Variants in PCDH11X observed in about 807,000 individuals in gnomAD.
PCDH11X encodes the protein protocadherin 11 X-linked, also known as protocadherin-11 X-linked.
A neutral mutation model predicts 53.3 loss-of-function variants in PCDH11X; 18 were observed. The observed-to-expected ratio is 0.34, with a 90% CI of 0.23 to 0.50. PCDH11X has a LOEUF of 0.50. Ranked by LOEUF, PCDH11X falls within the 20% of genes least tolerant of loss-of-function variation. PCDH11X has a pLI of 0.98. For synonymous variants in PCDH11X, 279 were observed against 393.3 expected, an observed-to-expected ratio of 0.71 and a Z score of 3.44; for missense variants, 570 against 1,032.4, an observed-to-expected ratio of 0.55 and a Z score of 6.14.
chrX:92,252,519 A>G (rs535167550), intron 7 of PCDH11X, among the ~76,000 whole-genome samples: 2 of 111,678 alleles, frequency 1.8e-5, no homozygotes, highest in African/African-American at 6.5e-5. Context: ...TTTGACCATG[A>G]CATTTAGAAA....
At chrX:92,037,902 T>G (rs868348295) in intron 6 of PCDH11X, among the ~76,000 whole-genome samples, 2,753 of 91,399 alleles carry the variant, frequency 0.03, 113 homozygotes, top group African/African-American at 0.12. Context: ...ATTTGTGGGT[T>G]TTTTTTTTTT....
chrX:92,522,552 C>T (rs1232441244), intron 10 of PCDH11X, among the ~76,000 whole-genome samples: 2 of 110,982 alleles, frequency 1.8e-5, no homozygotes, highest in African/African-American at 6.6e-5. Context: ...GTTAGAAAAA[C>T]GGCATGGATA....
chrX:91,852,433 G>A (rs1938085703), intron 5 of PCDH11X, among the ~76,000 whole-genome samples: 1 of 108,489 alleles, frequency 9.2e-6, no homozygotes, highest in African/African-American at 3.4e-5. Context: ...AATGATGTTT[G>A]CACAAATGAT....
At chrX:92,537,909 A>T (rs1333144998) in intron 10 of PCDH11X, among the ~76,000 whole-genome samples, 4 of 108,563 alleles carry the variant, frequency 3.7e-5, no homozygotes, top group Admixed American at 3.0e-4. Context: ...TGTCTTTAGG[A>T]TTTTCCAAAT....
chrX:91,929,148 A>G (rs112756957), intron 6 of PCDH11X, among the ~76,000 whole-genome samples: 1,892 of 111,339 alleles, frequency 0.017, 37 homozygotes, highest in African/African-American at 0.058. Flanking sequence ...ATAAATATCA[A>G]TCCTATTTAT....
At position 91,877,957 on chromosome X, in the gene PCDH11X, A is replaced by G; in HGVS notation, c.1717A>G (p.Asn573Asp). ...TGACAATAGCCCAGTTTTCACTCACAATGAATACAACTTCTATGTCCCAGA... is the reference window on the plus strand; with the variant it reads ...TGACAATAGCCCAGTTTTCACTCACGATGAATACAACTTCTATGTCCCAGA... ...QNDNSPVFTHNEYNFYVPENL... is the reference protein window; with the variant it reads ...QNDNSPVFTHDEYNFYVPENL... The change falls in exon 6 of 11, where the codon AAT becomes GAT. Residue 573 changes from asparagine to aspartate, a missense_variant. By Grantham distance (23) the Asn-to-Asp change is conservative (BLOSUM62 1). Coordinates refer to ENST00000682573, the MANE Select transcript of PCDH11X (RefSeq NM_032968.5). The G allele has an allele frequency of 8.3e-7, 1 of 1,211,924 alleles. No individual in the cohort carries two copies. Among genetic ancestry groups the G allele is most frequent in the Non-Finnish European group, 1.1e-6 (1 of 895,500 alleles).
chrX:92,299,509 G>T (rs1482157849), intron 8 of PCDH11X, among the ~76,000 whole-genome samples: 1 of 111,021 alleles, frequency 9.0e-6, no homozygotes, highest in African/African-American at 3.3e-5. Flanking sequence ...TTTGTTCAGG[G>T]ATCCAATTTC....
chrX:92,352,493 G>A (rs2070077968), intron 8 of PCDH11X, among the ~76,000 whole-genome samples: 1 of 111,495 alleles, frequency 9.0e-6, no homozygotes, highest in Non-Finnish European at 1.9e-5. Flanking sequence ...AGGTAAATCA[G>A]GGATTTCTTC....
chrX:92,181,043 A>G (rs763252957), intron 6 of PCDH11X, among the ~76,000 whole-genome samples: 82 of 111,416 alleles, frequency 7.4e-4, no homozygotes, highest in African/African-American at 2.5e-3. Flanking sequence ...AGGGCTCAGA[A>G]GAAGACAAGA....
At chrX:91,922,050 G>C (rs1477157528) in intron 6 of PCDH11X, among the ~76,000 whole-genome samples, 4 of 110,980 alleles carry the variant, frequency 3.6e-5, no homozygotes, top group African/African-American at 1.3e-4. Flanking sequence ...GTTTTTAAAA[G>C]AGTGTTTGTT....
intron 4 of PCDH11X, among the ~76,000 whole-genome samples, chrX:91,817,990 T>C (rs1229700841): frequency 1.8e-5 from 2 of 111,860 alleles, no homozygotes; most frequent in Non-Finnish European, 3.8e-5. Flanking sequence ...TGTTGTAGCT[T>C]CTTCTATGAT....
intron 6 of PCDH11X, among the ~76,000 whole-genome samples, chrX:92,136,984 CT>C (rs1158660216): frequency 0.03 from 2,885 of 94,740 alleles, 47 homozygotes; most frequent in Middle Eastern, 0.062. Context: ...TTTCTTTTTT[CT>C]TTTTTTTTTT....
intron 6 of PCDH11X, among the ~76,000 whole-genome samples, chrX:92,030,224 G>A (rs2063029018): frequency 8.9e-6 from 1 of 111,983 alleles, no homozygotes; most frequent in Admixed American, 9.5e-5. Flanking sequence ...GCCTCTCAAA[G>A]TGCTGGGATT....
At chrX:92,585,537 A>T (rs1569507475) in intron 10 of PCDH11X, among the ~76,000 whole-genome samples, 1 of 108,101 alleles carries the variant, frequency 9.3e-6, no homozygotes, top group African/African-American at 3.4e-5. Flanking sequence ...AGCCTAGCTA[A>T]TTTTTTGTAT....
At chrX:91,794,347 A>G (rs1935661871) in intron 1 of PCDH11X, among the ~76,000 whole-genome samples, 1 of 111,547 alleles carries the variant, frequency 9.0e-6, no homozygotes, top group Non-Finnish European at 1.9e-5. Context: ...TTTAGTTAGG[A>G]GTAACTTAAG....
intron 6 of PCDH11X, among the ~76,000 whole-genome samples, chrX:92,123,622 A>G (rs759639502): frequency 1.9e-5 from 2 of 102,640 alleles, no homozygotes; most frequent in African/African-American, 7.2e-5. Context: ...ACCAGACTCT[A>G]TTTATTCTGC....
At chrX:91,935,968 ACTT>A (rs1208892568) in intron 6 of PCDH11X, among the ~76,000 whole-genome samples, 3 of 107,937 alleles carry the variant, frequency 2.8e-5, no homozygotes, top group Non-Finnish European at 5.8e-5. Flanking sequence ...CAAGTAGCAG[ACTT>A]TAGAGAGAAT....
chrX:92,213,160 T>C (rs2066623023), intron 7 of PCDH11X, among the ~76,000 whole-genome samples: 1 of 112,065 alleles, frequency 8.9e-6, no homozygotes, highest in Non-Finnish European at 1.9e-5. Flanking sequence ...ATAACATTAT[T>C]TGTAAGTGCA....
At chrX:92,072,396 G>T (rs1353176323) in intron 6 of PCDH11X, among the ~76,000 whole-genome samples, 1 of 110,939 alleles carries the variant, frequency 9.0e-6, no homozygotes, top group South Asian at 3.9e-4. Flanking sequence ...CTGATAATGC[G>T]CTGAGTTTCC....
Sources: allele counts gnomAD v4.1 joint callset (sites outside exome capture counted in the v4.1 genomes callset), GRCh38; gene constraint gnomAD v4.1.1; transcripts MANE v1.5; gene names NCBI Gene and HGNC (gene_info 2026-07-23, HGNC 2026-07-21).